The following MTIF2 variants were observed in gnomAD, a reference collection of about 807,000 sequenced individuals.
MTIF2 encodes translation initiation factor IF-2, mitochondrial.
A neutral mutation model predicts 83.5 loss-of-function variants in MTIF2; 71 were observed. The observed-to-expected ratio is 0.85, with a 90% CI of 0.70 to 1.04. MTIF2 has a LOEUF of 1.04. MTIF2 is among the 50% of genes least tolerant of loss of function. MTIF2 has a pLI of 0.00. For missense variants in MTIF2, 957 were observed against 846.5 expected (o/e 1.13, Z -1.62); for synonymous variants, 319 against 287.1 (o/e 1.11, Z -1.12).
chr2:55,263,233 C>G (rs1408845644), intron 4 of MTIF2, among the ~76,000 whole-genome samples: 1 of 152,228 alleles, frequency 6.6e-6, no homozygotes, highest in Non-Finnish European at 1.5e-5. Flanking sequence ...ATCCTGTATC[C>G]TTAATTCACT....
At chr2:55,261,390 G>A (rs1677974730) in intron 5 of MTIF2, among the ~76,000 whole-genome samples, 1 of 151,842 alleles carries the variant, frequency 6.6e-6, no homozygotes, top group Non-Finnish European at 1.5e-5. Context: ...CAGATCACTT[G>A]AGGTCAGGAA....
At position 55,237,409 on chromosome 2, in the gene MTIF2, A is replaced by G. The variant is rs1675926219; in HGVS notation, c.1890T>C (p.Ala630=). The G allele has an allele frequency of 6.2e-7, 1 of 1,612,154 alleles. No homozygotes were observed. Among genetic ancestry groups the G allele is most frequent in the Non-Finnish European group, 8.5e-7 (1 of 1,179,740 alleles). ...TCTTCCCTTCTGTTACAGAGAAGGT[A>G]GCTAGTATAGATGCCTCACCTTTAG... The part of the protein sequence containing the change: ...EHPVGEASIL[A]TFSVTEGKKK... The change falls in exon 15 of 16, where the codon GCT becomes GCC. Residue 630 remains alanine (A), a synonymous_variant. Transcript: ENST00000263629.
rs368962790 is a variant in MTIF2 at position 55,236,599 on chromosome 2, T to C, written c.*49A>G. ...TTTTTGGCCAGTAGTAGTGCATTTC[T>C]ACCTTCAAACAAACAACACGTTGAG... On this transcript the variant is annotated 3_prime_UTR_variant, in exon 16 of 16. Coordinates refer to ENST00000263629, the MANE Select transcript of MTIF2 (RefSeq NM_002453.3). 4 of 1,503,928 alleles carry C rather than the reference T, an allele frequency of 2.7e-6. No homozygotes were observed. The East Asian group carries it at 9.4e-5, about 35-fold the overall frequency. The allele number at this position is 1,503,928 out of a possible 1,614,324, so 93.2% of individuals were successfully genotyped here.
intron 4 of MTIF2, among the ~76,000 whole-genome samples, chr2:55,262,717 A>AT (rs1294589919): frequency 0.032 from 1,763 of 55,510 alleles, 31 homozygotes; most frequent in African/African-American, 0.066. Context: ...TAATTTTTGT[A>AT]TTTTTTTTTT....
chr2:55,237,142 C>T (rs760306689), intron 15 of MTIF2, 146 bp downstream of exon 15: 4 of 943,060 alleles, frequency 4.2e-6, no homozygotes, highest in Non-Finnish European at 6.2e-6. Context: ...CCATCAACTA[C>T]AGACAATTTA....
At chr2:55,256,180 T>C (rs1677516203) in intron 5 of MTIF2, among the ~76,000 whole-genome samples, 1 of 152,012 alleles carries the variant, frequency 6.6e-6, no homozygotes, top group South Asian at 2.1e-4. Context: ...CAGCAAGTAC[T>C]GATTTTTGAG....
At position 55,243,064 on chromosome 2, in the gene MTIF2, A is replaced by C. The variant is rs1484987008; in HGVS notation, c.1581T>G (p.Ser527=). The change falls in exon 13 of 16, where the codon TCT becomes TCG. Residue 527 remains serine, a synonymous_variant. Coordinates refer to ENST00000263629, the MANE Select transcript of MTIF2 (RefSeq NM_002453.3). ...SVIIKGDVDG[S]VEAILNIIDT... ...CTATAATGTTCAAAATGGCCTCAAC[A>C]GAACCATCAACATCACCTAAATACA... 1.2e-6 allele frequency: 2 copies of C among 1,605,396 alleles called. No homozygotes were observed. The highest frequency in any genetic ancestry group is 1.7e-6 in the Non-Finnish European group (2 of 1,177,664).
At chr2:55,254,282 T>C in intron 6 of MTIF2, 81 bp from the exon 7 acceptor site, 1 of 1,456,630 alleles carries the variant, frequency 6.9e-7, no homozygotes, top group South Asian at 1.3e-5. Flanking sequence ...CATTTATCCC[T>C]GTGAACTACC....
At position 55,246,360 on chromosome 2, in the gene MTIF2, C is replaced by T. The variant is rs770879086; in HGVS notation, c.1083G>A (p.Glu361=). The change falls in exon 10 of 16, where the codon GAG becomes GAA. Residue 361 remains glutamate (E), a synonymous_variant. Coordinates refer to ENST00000263629, the MANE Select transcript of MTIF2 (RefSeq NM_002453.3). ...PNGPVEGTVI[E]SFTDKGRGLV... ...ACCCTCTTCCTTTGTCTGTGAAAGACTCTATTACTGTTCCTTCCACTGGAC... is the reference window on the plus strand; with the variant it reads ...ACCCTCTTCCTTTGTCTGTGAAAGATTCTATTACTGTTCCTTCCACTGGAC... 3 of 1,613,956 alleles carry T rather than the reference C, an allele frequency of 1.9e-6. No individual in the cohort carries two copies. The South Asian group carries it at 3.3e-5, about 18-fold the overall frequency.
intron 7 of MTIF2, among the ~76,000 whole-genome samples, chr2:55,253,212 A>G (rs1449057487): frequency 6.6e-6 from 1 of 152,244 alleles, no homozygotes; most frequent in African/African-American, 2.4e-5. Context: ...GACAAAACAT[A>G]TAAGGTGCTC....
chr2:55,249,656 C>T, intron 8 of MTIF2, 122 bp from the exon 9 acceptor site: 2 of 1,170,168 alleles, frequency 1.7e-6, no homozygotes, highest in Non-Finnish European at 2.4e-6. Context: ...TTTTATCTAA[C>T]AAAAGGCCAA....
At chr2:55,265,869 T>G (rs995567128) in intron 3 of MTIF2, among the ~76,000 whole-genome samples, 1 of 152,216 alleles carries the variant, frequency 6.6e-6, no homozygotes, top group Non-Finnish European at 1.5e-5. Flanking sequence ...TTTAAAAAGA[T>G]GGTTCTGTCT....
In MTIF2 at chr2:55,236,598, C is replaced by G. The variant is rs755256752; in HGVS notation, c.*50G>C. Reference sequence around the variant, plus strand: ...CTTTTTGGCCAGTAGTAGTGCATTTCTACCTTCAAACAAACAACACGTTGA... The same window carrying G: ...CTTTTTGGCCAGTAGTAGTGCATTTGTACCTTCAAACAAACAACACGTTGA... On this transcript the variant is annotated 3_prime_UTR_variant, in exon 16 of 16. Transcript: ENST00000263629. The G allele has an allele frequency of 6.7e-7, 1 of 1,502,028 alleles. No homozygotes were observed. Among genetic ancestry groups the G allele is most frequent in the East Asian group, 2.4e-5 (1 of 42,466 alleles). The allele number at this position is 1,502,028 out of a possible 1,614,324, so 93.0% of individuals were successfully genotyped here. A position where few individuals can be genotyped will look rare whatever the true frequency, so the allele number is the denominator to read the frequency against.
chr2:55,246,508 T>C, intron 9 of MTIF2, 47 bp from the exon 10 acceptor site: 1 of 1,489,058 alleles, frequency 6.7e-7, no homozygotes, highest in South Asian at 1.1e-5. Flanking sequence ...AAATATTATC[T>C]GTAAATGTAA....
chr2:55,246,538 A>C (rs1676715660), intron 9 of MTIF2, 77 bp from the exon 10 acceptor site: 7 of 1,272,150 alleles, frequency 5.5e-6, no homozygotes, highest in Non-Finnish European at 7.9e-6. Context: ...ACAGAAAGTC[A>C]CATAATACTT....
intron 4 of MTIF2, among the ~76,000 whole-genome samples, chr2:55,263,289 A>G (rs1470082814): frequency 6.6e-6 from 1 of 152,204 alleles, no homozygotes; most frequent in Non-Finnish European, 1.5e-5. Context: ...GCACCACACA[A>G]TTAACCGGAA....
intron 13 of MTIF2, among the ~76,000 whole-genome samples, chr2:55,241,375 G>C (rs1293175426): frequency 6.9e-6 from 1 of 145,594 alleles, no homozygotes; most frequent in African/African-American, 2.6e-5. Flanking sequence ...CCAAGATTAC[G>C]CCACTGCACT....
At chr2:55,259,118 A>T (rs1412805118) in intron 5 of MTIF2, among the ~76,000 whole-genome samples, 1 of 152,224 alleles carries the variant, frequency 6.6e-6, no homozygotes, top group Admixed American at 6.5e-5. Context: ...TGTTAAATGC[A>T]TATGGTATTA....
chr2:55,262,878 G>C (rs368679812), intron 4 of MTIF2, among the ~76,000 whole-genome samples: 2 of 152,072 alleles, frequency 1.3e-5, no homozygotes, highest in Non-Finnish European at 2.9e-5. Context: ...ACAGGCATGC[G>C]CCACCATGCC....
Sources: gnomAD v4.1 joint callset for allele counts (sites outside exome capture counted in the v4.1 genomes callset) on GRCh38, gnomAD v4.1.1 for gene constraint, MANE v1.5 for transcripts, NCBI Gene and HGNC (gene_info 2026-07-23, HGNC 2026-07-21) for gene names.